Variants in ELMO1 observed in about 807,000 individuals in gnomAD.
ELMO1 encodes the protein engulfment and cell motility protein 1.
Under a neutral mutation model 98.9 loss-of-function variants are expected in ELMO1, and 26 were observed. The ratio of observed to expected loss-of-function variants is 0.26; its 90% CI spans 0.19 to 0.36. The LOEUF (loss-of-function observed/expected upper bound fraction) is 0.36, where lower values mean the gene tolerates loss of function less well. Among genes scored for constraint, ELMO1 ranks in the 10% least tolerant of loss-of-function variants. ELMO1 has a pLI of 1.00. For synonymous variants in ELMO1, 346 were observed against 346.0 expected, an observed-to-expected ratio of 1.00 and a Z score of 0.00; for missense variants, 627 against 935.2, an observed-to-expected ratio of 0.67 and a Z score of 4.30.
intron 17 of ELMO1, among the ~76,000 whole-genome samples, chr7:36,892,207 G>A (rs79999102): frequency 0.059 from 9,005 of 152,240 alleles, 351 homozygotes; most frequent in South Asian, 0.17. Context: ...GCTGTGTGTG[G>A]CACACACAGA....
At chr7:37,005,065 C>T (rs546733281) in intron 16 of ELMO1, among the ~76,000 whole-genome samples, 37 of 140,546 alleles carry the variant, frequency 2.6e-4, no homozygotes, top group Admixed American at 2.0e-3. Context: ...GCCGAGATCA[C>T]GCCACCGCAC....
rs534187176 is a variant in ELMO1, at chr7:36,974,222, G to A, written c.1437+39077C>T. On this transcript the variant is annotated intron_variant, in intron 16 of 21. Coordinates refer to ENST00000310758, the MANE Select transcript of ELMO1 (RefSeq NM_014800.11). ...GGCTCCTGAGTCTGGTGGGGATGTG[G>A]AGAACCTTTATGTCTAGCTCAGGGA... 2.0e-5 allele frequency among the ~76,000 whole-genome samples: 3 copies of A among 152,374 alleles called. No individual in the cohort carries two copies. The South Asian group carries it at 6.2e-4, about 32-fold the overall frequency.
At chr7:36,858,358 A>G (rs941243206) in intron 21 of ELMO1, among the ~76,000 whole-genome samples, 2 of 152,222 alleles carry the variant, frequency 1.3e-5, no homozygotes, top group Admixed American at 1.3e-4. Context: ...CCATGAAAGT[A>G]CAAACACCAC....
intron 1 of ELMO1, among the ~76,000 whole-genome samples, chr7:37,403,441 T>C (rs1448843454): frequency 6.6e-6 from 1 of 152,124 alleles, no homozygotes; most frequent in East Asian, 1.9e-4. Flanking sequence ...AGGAGGACGG[T>C]AGGGGGGTGC....
intron 13 of ELMO1, among the ~76,000 whole-genome samples, chr7:37,163,837 C>A (rs921220338): frequency 6.6e-6 from 1 of 152,166 alleles, no homozygotes; most frequent in African/African-American, 2.4e-5. Context: ...ACTTATAGTC[C>A]TTTGGGTATA....
At chr7:37,100,548 T>C (rs553476756) in intron 14 of ELMO1, among the ~76,000 whole-genome samples, 100 of 152,342 alleles carry the variant, frequency 6.6e-4, no homozygotes, top group South Asian at 5.8e-3. Flanking sequence ...CTTGCTTGTC[T>C]CTGACACACT....
chr7:36,969,448 A>G (rs1056603077), intron 16 of ELMO1, among the ~76,000 whole-genome samples: 17 of 152,188 alleles, frequency 1.1e-4, no homozygotes, highest in African/African-American at 4.1e-4. Flanking sequence ...GATATTGTAT[A>G]TTGTTTTTCA....
chr7:37,210,422 A>C (rs1792888328), intron 13 of ELMO1, among the ~76,000 whole-genome samples: 1 of 151,962 alleles, frequency 6.6e-6, no homozygotes, highest in African/African-American at 2.4e-5. Context: ...AAGCCTTCTC[A>C]AATAACACAT....
chr7:37,192,206 C>T (rs1040499876), intron 13 of ELMO1, among the ~76,000 whole-genome samples: 1 of 151,932 alleles, frequency 6.6e-6, no homozygotes, highest in African/African-American at 2.4e-5. Flanking sequence ...AAAAGTGGGC[C>T]AGAGCCAGGG....
intron 4 of ELMO1, among the ~76,000 whole-genome samples, chr7:37,301,348 A>G (rs1167289819): frequency 6.7e-6 from 1 of 149,598 alleles, no homozygotes; most frequent in Non-Finnish European, 1.5e-5. Flanking sequence ...AAAAAAAACT[A>G]TTGGAAGAGG....
chr7:36,878,576 T>A (rs1342473006), intron 18 of ELMO1, among the ~76,000 whole-genome samples: 1 of 152,180 alleles, frequency 6.6e-6, no homozygotes, highest in Admixed American at 6.5e-5. Flanking sequence ...TTTTAGCTGA[T>A]ACAACAAACC....
intron 15 of ELMO1, among the ~76,000 whole-genome samples, chr7:37,074,573 C>A (rs1184646899): frequency 6.6e-6 from 1 of 152,190 alleles, no homozygotes; most frequent in Non-Finnish European, 1.5e-5. Flanking sequence ...ATCCTTTTGT[C>A]TTTGCTGTCC....
intron 1 of ELMO1, among the ~76,000 whole-genome samples, chr7:37,357,196 T>C (rs1309306292): frequency 6.6e-6 from 1 of 152,234 alleles, no homozygotes; most frequent in Non-Finnish European, 1.5e-5. Flanking sequence ...CTTTGGGTCT[T>C]CATTTCTGGG....
At chr7:37,166,285 A>C (rs1584750180) in intron 13 of ELMO1, among the ~76,000 whole-genome samples, 2 of 152,354 alleles carry the variant, frequency 1.3e-5, no homozygotes, top group African/African-American at 4.8e-5. Context: ...CTTTCAAAAA[A>C]GCAGCTCCTG....
chr7:37,133,937 CAATTTA>C lies in ELMO1; in HGVS notation c.1087-709_1087-704del, dbSNP rs374704490. 1.9e-4 allele frequency among the ~76,000 whole-genome samples: 29 copies of C among 152,124 alleles called. No individual in the cohort carries two copies. The East Asian group carries it at 4.8e-3, about 25-fold the overall frequency. ...CACCTCAGCAACACAAAAAACAATC[CAATTTA>C]AAAGTGGGCAAAGGACATGAATAGA... is the stretch of plus-strand genomic sequence containing the variant. On this transcript the variant is annotated intron_variant, in intron 13 of 21. Coordinates refer to ENST00000310758, the MANE Select transcript of ELMO1 (RefSeq NM_014800.11).
intron 4 of ELMO1, among the ~76,000 whole-genome samples, chr7:37,293,432 C>A (rs1797856489): frequency 1.2e-5 from 1 of 80,182 alleles, no homozygotes; most frequent in Non-Finnish European, 3.1e-5. Context: ...CAACCCTGTG[C>A]TCTCTGACAC....
At chr7:37,407,571 C>A (rs1803826448) in intron 1 of ELMO1, among the ~76,000 whole-genome samples, 1 of 151,506 alleles carries the variant, frequency 6.6e-6, no homozygotes, top group Admixed American at 6.6e-5. Context: ...GGAAGCCAGC[C>A]TAAAAAGGCC....
At chr7:37,184,387 G>A (rs570847879) in intron 13 of ELMO1, among the ~76,000 whole-genome samples, 2 of 152,260 alleles carry the variant, frequency 1.3e-5, no homozygotes, top group South Asian at 4.1e-4. Context: ...GGGGAGACAC[G>A]GTTTAGGGGC....
At chr7:37,085,888 A>G (rs1783740962) in intron 15 of ELMO1, among the ~76,000 whole-genome samples, 2 of 152,200 alleles carry the variant, frequency 1.3e-5, no homozygotes, top group Admixed American at 1.3e-4. Flanking sequence ...TTGTATCCTG[A>G]ATTTAAACTT....
Sources: gnomAD v4.1 joint callset for allele counts (sites outside exome capture counted in the v4.1 genomes callset) on GRCh38, gnomAD v4.1.1 for gene constraint, MANE v1.5 for transcripts, NCBI Gene and HGNC (gene_info 2026-07-23, HGNC 2026-07-21) for gene names.